CALCRL: variants seen among roughly 807,000 people sequenced by gnomAD.
The protein encoded by CALCRL is calcitonin gene-related peptide type 1 receptor.
CALCRL carries 27 observed loss-of-function variants against 60.4 expected under a neutral mutation model. The ratio of observed to expected loss-of-function variants is 0.45; its 90% CI spans 0.33 to 0.62. CALCRL has a LOEUF of 0.62. CALCRL is among the 20% of genes least tolerant of loss of function. The pLI, the probability that CALCRL is intolerant of heterozygous loss-of-function variation, is 0.03. For missense variants in CALCRL, 424 were observed against 540.7 expected (o/e 0.78, Z 2.14); for synonymous variants, 190 against 182.6 (o/e 1.04, Z -0.33).
Position 187,394,124 on chromosome 2 carries a change from A to G in CALCRL, c.-292-6368T>C, listed in dbSNP as rs975010609. Among the ~76,000 whole-genome samples, 3 of 152,114 alleles carry G rather than the reference A, an allele frequency of 2.0e-5. No homozygotes were observed. The East Asian group carries it at 5.8e-4, about 29-fold the overall frequency. On this transcript the variant is annotated intron_variant, in intron 1 of 14. Transcript: ENST00000392370. ...AGATGCAGCACAAGGGGAAGCAGAA[A>G]AGATGAAAGCCTGAGAAAGAGTTGA...
rs908188920 is a variant in CALCRL at position 187,343,886 on chromosome 2, A to C, written c.*2298T>G. The C allele has an allele frequency of 1.3e-5, 2 of 151,652 alleles. No individual in the cohort carries two copies. The highest frequency in any genetic ancestry group is 3.0e-5 in the Non-Finnish European group (2 of 67,638). 9.4% of individuals were successfully genotyped at this position (151,652 alleles called of 1,614,324 possible). ...AATCATGAATGACTGCTACGCCTCA[A>C]GACTCTACAACAGACAAACCCTGGC... On this transcript the variant is annotated 3_prime_UTR_variant, in exon 15 of 15. Coordinates refer to ENST00000392370, the MANE Select transcript of CALCRL (RefSeq NM_005795.6).
In CALCRL at chr2:187,351,947, A is replaced by G; in HGVS notation, c.1143T>C (p.Ser381=). ...CTCCATTAAAGAAGCAGAAAATGGT[A>G]GAGACCAAAAGACCCTGTAAAAGAA... is the stretch of plus-strand genomic sequence containing the variant. ...ILMHFQGLLV[S]TIFCFFNGEV... is the part of the protein sequence containing the mutation. The change falls in exon 14 of 15, where the codon TCT becomes TCC. Residue 381 remains serine (S), a synonymous_variant. Transcript: ENST00000392370. 6.3e-7 allele frequency: 1 copy of G among 1,593,286 alleles called. No homozygotes were observed. Among genetic ancestry groups the G allele is most frequent in the Non-Finnish European group, 8.6e-7 (1 of 1,163,348 alleles).
At chr2:187,376,450 A>G (rs992008506) in intron 8 of CALCRL, among the ~76,000 whole-genome samples, 1 of 152,012 alleles carries the variant, frequency 6.6e-6, no homozygotes, top group Non-Finnish European at 1.5e-5. Context: ...AATTTTTATG[A>G]TATCTTGCTT....
At chr2:187,377,393 A>G (rs1472329218) in intron 8 of CALCRL, among the ~76,000 whole-genome samples, 1 of 152,060 alleles carries the variant, frequency 6.6e-6, no homozygotes, top group Non-Finnish European at 1.5e-5. Context: ...AGAGAAATGT[A>G]TCACAGATTA....
At chr2:187,433,109 CT>C (rs1228557159) in intron 1 of CALCRL, among the ~76,000 whole-genome samples, 8 of 152,032 alleles carry the variant, frequency 5.3e-5, no homozygotes, top group African/African-American at 1.7e-4. Context: ...TTTCTAAAAG[CT>C]ATTTCAGAAA....
chr2:187,362,262 A>G (rs1687086474), intron 9 of CALCRL, among the ~76,000 whole-genome samples: 1 of 152,064 alleles, frequency 6.6e-6, no homozygotes, highest in Admixed American at 6.6e-5. Flanking sequence ...TGCAGCTTCA[A>G]GACAAAACTC....
chr2:187,361,284 G>A (rs1195817650), intron 9 of CALCRL, among the ~76,000 whole-genome samples: 1 of 152,058 alleles, frequency 6.6e-6, no homozygotes. Flanking sequence ...CTTTGTGTAA[G>A]TAAAAGGAGG....
intron 8 of CALCRL, among the ~76,000 whole-genome samples, chr2:187,370,135 CCTT>C (rs1424774249): frequency 6.6e-6 from 1 of 152,064 alleles, no homozygotes; most frequent in East Asian, 1.9e-4. Context: ...TCATGTAAGA[CCTT>C]CTTGGTTTTT....
rs1216372862 is a variant in CALCRL, at chr2:187,342,718, T to G, written c.*3466A>C. Among the ~76,000 whole-genome samples the G allele has an allele frequency of 6.6e-6, 1 of 151,600 alleles. No individual in the cohort carries two copies. The highest frequency in any genetic ancestry group is 1.5e-5 in the Non-Finnish European group (1 of 67,608). ...TAGTTATTAAGTGGAATGCAACTGA[T>G]TATTGCCCTAAGGATAGAGTGGTTT... On this transcript the variant is annotated 3_prime_UTR_variant, in exon 15 of 15. Coordinates refer to ENST00000392370, the MANE Select transcript of CALCRL (RefSeq NM_005795.6).
intron 1 of CALCRL, among the ~76,000 whole-genome samples, chr2:187,426,392 G>A (rs745486996): frequency 2.6e-5 from 4 of 151,626 alleles, no homozygotes; most frequent in Non-Finnish European, 4.4e-5. Flanking sequence ...TCCAAATGGC[G>A]GCAAATGAAT....
chr2:187,366,376 A>G (rs1559044958), intron 8 of CALCRL, among the ~76,000 whole-genome samples: 1 of 152,048 alleles, frequency 6.6e-6, no homozygotes, highest in Non-Finnish European at 1.5e-5. Flanking sequence ...TGATAGTAAA[A>G]ATTAGAAAAA....
At position 187,345,416 on chromosome 2, in the gene CALCRL, G is replaced by A. The variant is rs1317411309; in HGVS notation, c.*768C>T. The A allele has an allele frequency of 6.6e-6, 1 of 152,176 alleles. No homozygotes were observed. The highest frequency in any genetic ancestry group is 1.5e-5 in the Non-Finnish European group (1 of 67,830). 9.4% of individuals were successfully genotyped at this position (152,176 alleles called of 1,614,324 possible). A position where few individuals can be genotyped will look rare whatever the true frequency, so the allele number is the denominator to read the frequency against. ...GCTAGGAATTCCCTCCCACTGTTTG[G>A]TAAGACAGGAAGAGGTTGACAAGGT... On this transcript the variant is annotated 3_prime_UTR_variant, in exon 15 of 15. Transcript: ENST00000392370.
chr2:187,443,571 T>C (rs1056809797), intron 1 of CALCRL, among the ~76,000 whole-genome samples: 2 of 151,674 alleles, frequency 1.3e-5, no homozygotes, highest in East Asian at 3.8e-4. Flanking sequence ...TTTTCTTAAT[T>C]TATAAAGTAC....
chr2:187,447,859 G>A (rs1252814975), intron 1 of CALCRL, among the ~76,000 whole-genome samples, 180 bp downstream of exon 1: 2 of 151,894 alleles, frequency 1.3e-5, no homozygotes, highest in Admixed American at 6.6e-5. Context: ...TTATCTAGTA[G>A]TATTAGATTT....
chr2:187,362,091 C>T lies in CALCRL; in HGVS notation c.627+1285G>A, dbSNP rs542391234. Among the ~76,000 whole-genome samples the T allele has an allele frequency of 1.8e-4, 27 of 151,822 alleles. No homozygotes were observed. In the South Asian group the frequency reaches 5.0e-3, roughly 28 times the overall value. On this transcript the variant is annotated intron_variant, in intron 9 of 14. Transcript: ENST00000392370. Reference sequence around the variant, plus strand: ...TCTTGATTTCATTAAAAAAGTTAATCGATAAACCATTACAATAAAAAAGAA... The same window carrying T: ...TCTTGATTTCATTAAAAAAGTTAATTGATAAACCATTACAATAAAAAAGAA...
intron 1 of CALCRL, among the ~76,000 whole-genome samples, chr2:187,442,579 A>C (rs1031313535): frequency 6.6e-6 from 1 of 151,898 alleles, no homozygotes; most frequent in African/African-American, 2.4e-5. Flanking sequence ...ATTAGGTGGC[A>C]GTAATAAGTT....
rs1453266008 is a variant in CALCRL, at chr2:187,385,584, C to T, written c.12G>A (p.Lys4=). 1.3e-6 allele frequency: 2 copies of T among 1,565,068 alleles called. No individual in the cohort carries two copies. Among genetic ancestry groups the T allele is most frequent in the Admixed American group, 3.6e-5 (2 of 55,766 alleles). ...AGAGAACCAGAAAATACAGGGTACA[C>T]TTTTTCTCCATCATTAAGCCAAAAT... MEK[K]CTLYFLVLLP... Residue 4 remains lysine (K), a synonymous_variant, in exon 4 of 15, where the codon AAG becomes AAA. Transcript: ENST00000392370.
intron 1 of CALCRL, among the ~76,000 whole-genome samples, chr2:187,396,189 AT>A (rs1688646585): frequency 2.0e-5 from 3 of 150,240 alleles, no homozygotes; most frequent in Non-Finnish European, 3.0e-5. Flanking sequence ...AAAAAAATAA[AT>A]AAATAAAGAA....
chr2:187,420,591 A>T (rs1689826201), intron 1 of CALCRL, among the ~76,000 whole-genome samples: 1 of 152,160 alleles, frequency 6.6e-6, no homozygotes, highest in Non-Finnish European at 1.5e-5. Flanking sequence ...GAAGTCCAAA[A>T]TTGATGGTAA....
Sources: gnomAD v4.1 joint callset for allele counts (sites outside exome capture counted in the v4.1 genomes callset) on GRCh38, gnomAD v4.1.1 for gene constraint, MANE v1.5 for transcripts, NCBI Gene and HGNC (gene_info 2026-07-23, HGNC 2026-07-21) for gene names.